CELF4: variants seen among roughly 807,000 people sequenced by gnomAD.
CELF4 encodes CUGBP Elav-like family member 4.
In CELF4, 18 loss-of-function variants were observed where a neutral mutation model predicts 59.9. The observed-to-expected ratio is 0.30, with a 90% CI of 0.21 to 0.45. The LOEUF is 0.45. Among genes scored for constraint, CELF4 ranks in the 20% least tolerant of loss-of-function variants. The pLI is 1.00. For missense variants in CELF4, 456 were observed against 689.0 expected, an observed-to-expected ratio of 0.66 and a Z score of 3.79; for synonymous variants, 261 against 267.1, an observed-to-expected ratio of 0.98 and a Z score of 0.22.
intron 2 of CELF4, among the ~76,000 whole-genome samples, chr18:37,436,817 C>T (rs565683864): frequency 2.6e-5 from 4 of 152,296 alleles, no homozygotes; most frequent in South Asian, 4.2e-4. Flanking sequence ...ATCTAAACTC[C>T]CACATCAGTG....
At chr18:37,473,151 C>G (rs1307254771) in intron 2 of CELF4, among the ~76,000 whole-genome samples, 1 of 152,162 alleles carries the variant, frequency 6.6e-6, no homozygotes, top group African/African-American at 2.4e-5. Context: ...CTTCCTGGCT[C>G]TCAGCCATGC....
At chr18:37,431,866 G>A (rs2099668942) in intron 2 of CELF4, among the ~76,000 whole-genome samples, 1 of 152,222 alleles carries the variant, frequency 6.6e-6, no homozygotes, top group Non-Finnish European at 1.5e-5. Flanking sequence ...CTACAGATAA[G>A]GAAACTGAGG....
chr18:37,397,337 C>T lies in CELF4; in HGVS notation c.370-75456G>A, dbSNP rs543698531. ...AGATTTGCCAGGCCCTGTGGTAGGCCTGGGGCTTGGGGCCAGGCTAGACAA... is the reference window on the plus strand; with the variant it reads ...AGATTTGCCAGGCCCTGTGGTAGGCTTGGGGCTTGGGGCCAGGCTAGACAA... On this transcript the variant is annotated intron_variant, in intron 2 of 12. Coordinates refer to ENST00000420428, the MANE Select transcript of CELF4 (RefSeq NM_020180.4). Among the ~76,000 whole-genome samples the T allele has an allele frequency of 2.8e-4, 42 of 152,252 alleles. No homozygotes were observed. The East Asian group carries it at 7.7e-3, about 28-fold the overall frequency.
chr18:37,459,787 C>T (rs1053723580), intron 2 of CELF4, among the ~76,000 whole-genome samples: 7 of 152,128 alleles, frequency 4.6e-5, no homozygotes, highest in African/African-American at 1.2e-4. Flanking sequence ...GCAAGGTTGT[C>T]GTTGGCCATT....
At chr18:37,559,149 A>G (rs1031176285) in intron 1 of CELF4, among the ~76,000 whole-genome samples, 1 of 152,144 alleles carries the variant, frequency 6.6e-6, no homozygotes, top group African/African-American at 2.4e-5. Context: ...GAGGTGGATC[A>G]TGTATGTAAT....
chr18:37,563,705 T>C (rs9965629), intron 1 of CELF4, among the ~76,000 whole-genome samples: 11,325 of 152,184 alleles, frequency 0.074, 482 homozygotes, highest in East Asian at 0.19. Flanking sequence ...TTGCCTTCTC[T>C]CTCCATTACA....
At chr18:37,298,188 T>A (rs1369346575) in intron 3 of CELF4, among the ~76,000 whole-genome samples, 1 of 152,128 alleles carries the variant, frequency 6.6e-6, no homozygotes, top group African/African-American at 2.4e-5. Context: ...CCCAGGAATA[T>A]CTTGAGAGTG....
chr18:37,558,315 G>A (rs1182029195), intron 1 of CELF4, among the ~76,000 whole-genome samples: 1 of 151,706 alleles, frequency 6.6e-6, no homozygotes, highest in Non-Finnish European at 1.5e-5. Context: ...TGGAGATGGA[G>A]GAAGCTCTTA....
chr18:37,482,165 G>A (rs959941330), intron 2 of CELF4, among the ~76,000 whole-genome samples: 2 of 152,150 alleles, frequency 1.3e-5, no homozygotes, highest in Non-Finnish European at 2.9e-5. Flanking sequence ...GCGGGGAGGT[G>A]GATGTGTTTT....
intron 2 of CELF4, among the ~76,000 whole-genome samples, chr18:37,467,491 G>C (rs2099811874): frequency 6.6e-6 from 1 of 152,132 alleles, no homozygotes; most frequent in Non-Finnish European, 1.5e-5. Flanking sequence ...GGGAAAGTCG[G>C]GCAGAGTCAA....
chr18:37,473,739 C>G (rs186561169), intron 2 of CELF4: 1 of 152,444 alleles, frequency 6.6e-6, no homozygotes, highest in Admixed American at 6.5e-5. Context: ...CCAGCTTGCT[C>G]TTCTGTAACC....
chr18:37,282,677 C>T lies in CELF4; in HGVS notation c.449-7434G>A, dbSNP rs79007474. 1.6e-3 allele frequency among the ~76,000 whole-genome samples: 246 copies of T among 152,296 alleles called. 1 individual carries two copies. Among genetic ancestry groups the T allele is most frequent in the African/African-American group, 5.5e-3 (228 of 41,562 alleles). ...CTCCCATCCTTGGAGGCTGAGAACC[C>T]AGCAATTACCCCTGATCAGGTCGGC... On this transcript the variant is annotated intron_variant, in intron 3 of 12. Transcript: ENST00000420428.
chr18:37,294,329 C>T (rs2095518757), intron 3 of CELF4, among the ~76,000 whole-genome samples: 2 of 152,170 alleles, frequency 1.3e-5, no homozygotes, highest in Non-Finnish European at 2.9e-5. Flanking sequence ...AGGAGGGTAC[C>T]AGAGACAAGG....
At chr18:37,431,190 A>C (rs1182202236) in intron 2 of CELF4, among the ~76,000 whole-genome samples, 1 of 152,128 alleles carries the variant, frequency 6.6e-6, no homozygotes, top group Non-Finnish European at 1.5e-5. Flanking sequence ...CCTGGCGTAC[A>C]GTAGGTGCCT....
At chr18:37,500,969 G>A (rs1185553849) in intron 1 of CELF4, among the ~76,000 whole-genome samples, 1 of 152,220 alleles carries the variant, frequency 6.6e-6, no homozygotes, top group African/African-American at 2.4e-5. Context: ...AGGCTGAGCA[G>A]AGGCTCACCC....
chr18:37,550,373 T>C (rs1369418780), intron 1 of CELF4, among the ~76,000 whole-genome samples: 1 of 152,070 alleles, frequency 6.6e-6, no homozygotes, highest in Non-Finnish European at 1.5e-5. Context: ...AATAATAGAA[T>C]GGAGGAGGAA....
intron 2 of CELF4, among the ~76,000 whole-genome samples, chr18:37,432,334 A>G (rs2099672065): frequency 6.6e-6 from 1 of 152,248 alleles, no homozygotes; most frequent in African/African-American, 2.4e-5. Context: ...CTCCCAGCAC[A>G]TCCCACCTGG....
At chr18:37,445,724 A>T (rs2099746352) in intron 2 of CELF4, among the ~76,000 whole-genome samples, 1 of 152,002 alleles carries the variant, frequency 6.6e-6, no homozygotes, top group South Asian at 2.1e-4. Context: ...AAAGGGAGGC[A>T]TAAGTCCGAT....
intron 2 of CELF4, among the ~76,000 whole-genome samples, chr18:37,469,819 T>G (rs1286222404): frequency 6.6e-6 from 1 of 152,034 alleles, no homozygotes; most frequent in Non-Finnish European, 1.5e-5. Flanking sequence ...TTAACAGGAG[T>G]TAGAAGAGTT....
Sources: allele counts gnomAD v4.1 joint callset (sites outside exome capture counted in the v4.1 genomes callset), GRCh38; gene constraint gnomAD v4.1.1; transcripts MANE v1.5; gene names NCBI Gene and HGNC (gene_info 2026-07-23, HGNC 2026-07-21).